CTBP2: variants seen among roughly 807,000 people sequenced by gnomAD.
CTBP2 encodes C-terminal binding protein 2, also known as C-terminal-binding protein 2.
CTBP2 carries 30 observed loss-of-function variants against 80.3 expected under a neutral mutation model. The observed-to-expected ratio is 0.37, with a 90% CI of 0.28 to 0.51. The LOEUF is 0.51. CTBP2 is among the 20% of genes least tolerant of loss of function. The pLI, the probability that CTBP2 is intolerant of heterozygous loss-of-function variation, is 0.93. For missense variants in CTBP2, 1,212 were observed against 1,375.3 expected, an observed-to-expected ratio of 0.88 and a Z score of 1.88; for synonymous variants, 594 against 587.4, an observed-to-expected ratio of 1.01 and a Z score of -0.16.
At chr10:125,041,629 C>T (rs954035547) in intron 2 of CTBP2, among the ~76,000 whole-genome samples, 11 of 151,540 alleles carry the variant, frequency 7.3e-5, no homozygotes, top group African/African-American at 2.7e-4. Context: ...CTCCTTGACT[C>T]TGTTGTAAAA....
intron 1 of CTBP2, among the ~76,000 whole-genome samples, chr10:125,153,633 C>A (rs533974536): frequency 6.6e-6 from 1 of 152,322 alleles, no homozygotes; most frequent in African/African-American, 2.4e-5. Flanking sequence ...AGGTACAATA[C>A]TATCACTTCC....
At chr10:124,993,812 T>C (rs1178889492) in intron 6 of CTBP2, 43 bp downstream of exon 8, 4 of 1,590,864 alleles carry the variant, frequency 2.5e-6, no homozygotes, top group Admixed American at 1.7e-5. Context: ...GGTGTGGAGC[T>C]GGGCCCTGTG....
intron 1 of CTBP2, among the ~76,000 whole-genome samples, chr10:125,158,058 ATTAC>A (rs1036498417): frequency 1.3e-5 from 2 of 152,214 alleles, no homozygotes; most frequent in Non-Finnish European, 2.9e-5. Context: ...CATTTTGACT[ATTAC>A]TTTATAATTG....
intron 2 of CTBP2, among the ~76,000 whole-genome samples, chr10:125,053,490 C>G (rs1175815633): frequency 1.3e-5 from 2 of 152,180 alleles, no homozygotes; most frequent in African/African-American, 4.8e-5. Context: ...CCCAGAGGTT[C>G]TCCCAGGGAG....
Position 125,003,111 on chromosome 10 carries a change from G to A in CTBP2, c.1834-7C>T, listed in dbSNP as rs940240409. 4.6e-5 allele frequency: 75 copies of A among 1,613,780 alleles called. No homozygotes were observed. Among genetic ancestry groups the A allele is most frequent in the Non-Finnish European group, 5.8e-5 (68 of 1,180,028 alleles). ...CCACGGCTTCGTTTAGAACCTGCGTGGGAACAGAGCACAGGGTCGGAGCCC... is the reference window on the plus strand; with the variant it reads ...CCACGGCTTCGTTTAGAACCTGCGTAGGAACAGAGCACAGGGTCGGAGCCC... On this transcript the variant is annotated splice_region_variant and splice_polypyrimidine_tract_variant and intron_variant, in intron 2 of 8. Coordinates refer to ENST00000309035, the MANE Select transcript of CTBP2 (RefSeq NM_022802.3).
At chr10:125,098,586 C>T (rs1849918904) in intron 2 of CTBP2, among the ~76,000 whole-genome samples, 1 of 150,936 alleles carries the variant, frequency 6.6e-6, no homozygotes, top group Admixed American at 6.6e-5. Flanking sequence ...TACCTGTGCC[C>T]TGCACCTTCA....
At chr10:125,138,635 C>G (rs1190135218) in intron 1 of CTBP2, among the ~76,000 whole-genome samples, 2 of 147,878 alleles carry the variant, frequency 1.4e-5, no homozygotes, top group African/African-American at 5.0e-5. Flanking sequence ...ATTACCATAA[C>G]CAAAGGGAAA....
chr10:125,013,796 C>G (rs1956187391), intron 1 of CTBP2, among the ~76,000 whole-genome samples: 2 of 152,232 alleles, frequency 1.3e-5, no homozygotes, highest in Non-Finnish European at 2.9e-5. Flanking sequence ...GGGTCCACCG[C>G]AGTGCAAACC....
intron 2 of CTBP2, among the ~76,000 whole-genome samples, chr10:125,055,628 C>G (rs1963728919): frequency 6.6e-6 from 1 of 152,224 alleles, no homozygotes. Flanking sequence ...ACGGCTACGT[C>G]TCACAAAGCC....
chr10:125,040,728 G>A (rs1388444324), intron 2 of CTBP2, among the ~76,000 whole-genome samples: 1 of 152,084 alleles, frequency 6.6e-6, no homozygotes, highest in African/African-American at 2.4e-5. Flanking sequence ...ACGGTCATCA[G>A]TTATGCAAAA....
chr10:125,112,140 T>C (rs1590851502), intron 1 of CTBP2, among the ~76,000 whole-genome samples: 1 of 136,964 alleles, frequency 7.3e-6, no homozygotes, highest in East Asian at 2.2e-4. Flanking sequence ...GGAGAAAGAG[T>C]CTCACTCTGT....
chr10:125,125,489 T>TA (rs1413740805), intron 1 of CTBP2, among the ~76,000 whole-genome samples: 1 of 152,230 alleles, frequency 6.6e-6, no homozygotes, highest in South Asian at 2.1e-4. Flanking sequence ...AAGGAGGTAC[T>TA]AAGCATCATT....
At chr10:125,125,156 A>G (rs897043996) in intron 1 of CTBP2, among the ~76,000 whole-genome samples, 1 of 152,196 alleles carries the variant, frequency 6.6e-6, no homozygotes, top group African/African-American at 2.4e-5. Flanking sequence ...TGGCTTGCTG[A>G]ACTCTGTGTA....
chr10:125,078,348 G>A (rs1846621148), intron 2 of CTBP2, among the ~76,000 whole-genome samples: 1 of 152,008 alleles, frequency 6.6e-6, no homozygotes, highest in African/African-American at 2.4e-5. Context: ...AACAGAGGAG[G>A]GAGGTTCTAG....
intron 2 of CTBP2, among the ~76,000 whole-genome samples, chr10:125,084,549 C>A (rs1177590189): frequency 6.6e-6 from 1 of 152,106 alleles, no homozygotes; most frequent in East Asian, 1.9e-4. Context: ...AGGAGGTGGT[C>A]CCCTGGAAGC....
chr10:125,101,752 C>G (rs998495463), intron 2 of CTBP2, among the ~76,000 whole-genome samples: 1 of 152,192 alleles, frequency 6.6e-6, no homozygotes, highest in East Asian at 1.9e-4. Context: ...GCAACCTGTA[C>G]TACCTTCCCC....
intron 1 of CTBP2, among the ~76,000 whole-genome samples, chr10:125,155,114 A>C (rs1839519862): frequency 6.6e-6 from 1 of 152,224 alleles, no homozygotes; most frequent in Non-Finnish European, 1.5e-5. Flanking sequence ...TCCTCAAAAA[A>C]GCAGATTACT....
intron 2 of CTBP2, among the ~76,000 whole-genome samples, chr10:125,039,847 G>C (rs966114018): frequency 2.0e-5 from 3 of 152,212 alleles, no homozygotes; most frequent in African/African-American, 7.2e-5. Context: ...AGCTATATGG[G>C]CTGAAGTATT....
intron 1 of CTBP2, among the ~76,000 whole-genome samples, chr10:125,122,417 TAC>T (rs1026121353): frequency 2.0e-5 from 3 of 152,240 alleles, no homozygotes; most frequent in African/African-American, 7.2e-5. Flanking sequence ...CTTGTAATTT[TAC>T]AGTTTTCACT....
Sources: allele counts gnomAD v4.1 joint callset (sites outside exome capture counted in the v4.1 genomes callset), GRCh38; gene constraint gnomAD v4.1.1; transcripts MANE v1.5; gene names NCBI Gene and HGNC (gene_info 2026-07-23, HGNC 2026-07-21).